Variants in CCL28 observed in about 807,000 individuals in gnomAD.
The protein encoded by CCL28 is C-C motif chemokine ligand 28, also known as C-C motif chemokine 28.
Under a neutral mutation model 7.1 loss-of-function variants are expected in CCL28, and 4 were observed. The observed-to-expected ratio is 0.56, with a 90% CI of 0.28 to 1.29. The LOEUF (loss-of-function observed/expected upper bound fraction) is 1.29, where lower values mean the gene tolerates loss of function less well. Ranked by LOEUF, CCL28 falls within the 50% of genes most tolerant of loss-of-function variation. The pLI is 0.11. For missense variants in CCL28, 151 were observed against 163.4 expected (o/e 0.92, Z 0.41); for synonymous variants, 55 against 57.8 (o/e 0.95, Z 0.22).
intron 1 of CCL28, among the ~76,000 whole-genome samples, chr5:43,410,039 G>C (rs1392748143): frequency 6.6e-6 from 1 of 152,232 alleles, no homozygotes; most frequent in Non-Finnish European, 1.5e-5. Context: ...AGCCATTTAA[G>C]ACACCATTAA....
the CCL28 span, among the ~76,000 whole-genome samples, chr5:43,370,196 A>T: frequency 6.6e-6 from 1 of 152,264 alleles, no homozygotes; most frequent in African/African-American, 2.4e-5. Context: ...ATAATAAATT[A>T]CTGTTGTTTT....
chr5:43,375,458 TAAAAA>T (rs56289620), downstream of CCL28, among the ~76,000 whole-genome samples: 4 of 32,746 alleles, frequency 1.2e-4, no homozygotes, highest in African/African-American at 3.6e-4. Flanking sequence ...GACAGAAAGC[TAAAAA>T]AAAAAAAAAA....
intron 1 of CCL28, among the ~76,000 whole-genome samples, chr5:43,395,871 T>G (rs1406869544): frequency 1.4e-5 from 2 of 144,006 alleles, no homozygotes; most frequent in Non-Finnish European, 3.0e-5. Flanking sequence ...TTTTTTTTTT[T>G]TTTTTTTTGA....
At chr5:43,407,505 A>G (rs184405885) in intron 1 of CCL28, among the ~76,000 whole-genome samples, 195 of 152,366 alleles carry the variant, frequency 1.3e-3, no homozygotes, top group Non-Finnish European at 2.4e-3. Flanking sequence ...AGATGGATTA[A>G]AGACTTAAGT....
chr5:43,394,849 A>T (rs1740732975), intron 1 of CCL28, among the ~76,000 whole-genome samples: 1 of 152,074 alleles, frequency 6.6e-6, no homozygotes, highest in East Asian at 1.9e-4. Flanking sequence ...GCGGTGGATT[A>T]ATCTATTTTC....
exon 1 of CCL28, chr5:43,412,384 GGTGTCCTTGGGCAC>G: frequency 1.4e-6 from 2 of 1,431,454 alleles, no homozygotes; most frequent in Non-Finnish European, 1.9e-6. Flanking sequence ...TGAGGCTAAA[GGTGTCCTTGGGCAC>G]AGAGAAAGTG....
downstream of CCL28, among the ~76,000 whole-genome samples, chr5:43,377,922 C>T (rs1177092926): frequency 2.8e-5 from 4 of 144,306 alleles, no homozygotes; most frequent in Admixed American, 2.0e-4. Flanking sequence ...TTAGTAGAGA[C>T]GGGGTTTCAC....
At chr5:43,396,007 T>G (rs1264980111) in intron 1 of CCL28, among the ~76,000 whole-genome samples, 6 of 151,664 alleles carry the variant, frequency 4.0e-5, no homozygotes, top group African/African-American at 1.2e-4. Flanking sequence ...CAGTAGCTGG[T>G]ACTACAGACG....
chr5:43,372,924 G>C (rs915904394), downstream of CCL28, among the ~76,000 whole-genome samples: 1 of 151,220 alleles, frequency 6.6e-6, no homozygotes, highest in Non-Finnish European at 1.5e-5. Context: ...TCAGCCTCCC[G>C]AGAACCTGGG....
downstream of CCL28, among the ~76,000 whole-genome samples, chr5:43,376,360 GT>G (rs903864735): frequency 1.3e-5 from 2 of 152,144 alleles, no homozygotes; most frequent in African/African-American, 4.8e-5. Context: ...CATCTGGTGG[GT>G]AGAGGCCAGA....
chr5:43,375,884 A>G (rs1161956688), downstream of CCL28, among the ~76,000 whole-genome samples: 1 of 151,692 alleles, frequency 6.6e-6, no homozygotes, highest in Non-Finnish European at 1.5e-5. Flanking sequence ...AAATATAAAA[A>G]ATTAGCCGGG....
Position 43,381,782 on chromosome 5 carries a change from A to T in CCL28, c.*78T>A. 8.3e-7 allele frequency: 1 copy of T among 1,200,988 alleles called. No homozygotes were observed. The highest frequency in any genetic ancestry group is 2.4e-5 in the East Asian group (1 of 42,468). The allele number at this position is 1,200,988 out of a possible 1,614,324, so 74.4% of individuals were successfully genotyped here. A position where few individuals can be genotyped will look rare whatever the true frequency, so the allele number is the denominator to read the frequency against. On this transcript the variant is annotated 3_prime_UTR_variant, in exon 3 of 3. Coordinates refer to ENST00000361115, the MANE Select transcript of CCL28 (RefSeq NM_148672.3). ...TGTTCTGTTGTCTACAATAAGGAGAATTCAGATGATAAACTTACAACCAAT... is the reference window on the plus strand; with the variant it reads ...TGTTCTGTTGTCTACAATAAGGAGATTTCAGATGATAAACTTACAACCAAT...
At chr5:43,370,737 TCTC>T in the CCL28 span, among the ~76,000 whole-genome samples, 1 of 94,426 alleles carries the variant, frequency 1.1e-5, no homozygotes, top group Non-Finnish European at 2.2e-5. Flanking sequence ...TATCTCTCTT[TCTC>T]TCTCTTTTTT....
At chr5:43,363,658 G>A in the CCL28 span, among the ~76,000 whole-genome samples, 3 of 152,192 alleles carry the variant, frequency 2.0e-5, no homozygotes, top group African/African-American at 7.2e-5. Context: ...TGTGGCAATT[G>A]GTGCCTTGCC....
chr5:43,399,536 A>C (rs920775210), intron 1 of CCL28, among the ~76,000 whole-genome samples: 1 of 152,238 alleles, frequency 6.6e-6, no homozygotes, highest in Non-Finnish European at 1.5e-5. Context: ...TTAGTGCTAA[A>C]AAAGTTTCTT....
intron 1 of CCL28, among the ~76,000 whole-genome samples, chr5:43,409,701 A>C (rs1466218489): frequency 6.6e-6 from 1 of 152,130 alleles, no homozygotes; most frequent in Admixed American, 6.6e-5. Context: ...GTGGGAAGGC[A>C]ATTTGGGACT....
At chr5:43,390,226 G>A (rs370377345) in intron 1 of CCL28, among the ~76,000 whole-genome samples, 1 of 152,170 alleles carries the variant, frequency 6.6e-6, no homozygotes, top group East Asian at 1.9e-4. Flanking sequence ...GACCACCTTG[G>A]TCAGGTATAT....
At chr5:43,364,228 G>C in the CCL28 span, among the ~76,000 whole-genome samples, 1 of 151,904 alleles carries the variant, frequency 6.6e-6, no homozygotes, top group Non-Finnish European at 1.5e-5. Flanking sequence ...TTTAAAACCA[G>C]AGCAACACAG....
chr5:43,373,299 ATT>A (rs772342770), downstream of CCL28, among the ~76,000 whole-genome samples: 12 of 151,572 alleles, frequency 7.9e-5, no homozygotes, highest in East Asian at 1.4e-3. Flanking sequence ...CTAACGCTTG[ATT>A]TTTGTGTGTG....
Sources: gnomAD v4.1 joint callset for allele counts (sites outside exome capture counted in the v4.1 genomes callset) on GRCh38, gnomAD v4.1.1 for gene constraint, MANE v1.5 for transcripts, NCBI Gene and HGNC (gene_info 2026-07-23, HGNC 2026-07-21) for gene names.